The following ERC1 variants were observed in gnomAD, a reference collection of about 807,000 sequenced individuals.
The protein encoded by ERC1 is ELKS/RAB6-interacting/CAST family member 1, also known as RAB6 interacting protein 2.
In ERC1, 56 loss-of-function variants were observed where a neutral mutation model predicts 132.0. The ratio of observed to expected loss-of-function variants is 0.42; its 90% CI spans 0.34 to 0.53. The LOEUF (loss-of-function observed/expected upper bound fraction) is 0.53, where lower values mean the gene tolerates loss of function less well. Among genes scored for constraint, ERC1 ranks in the 20% least tolerant of loss-of-function variants. ERC1 has a pLI of 0.03. For missense variants in ERC1, 1,202 were observed against 1,349.9 expected (o/e 0.89, Z 1.72); for synonymous variants, 478 against 476.1 (o/e 1.00, Z -0.05).
intron 18 of ERC1, among the ~76,000 whole-genome samples, chr12:1,455,917 G>C (rs982665472): frequency 2.0e-5 from 3 of 152,168 alleles, no homozygotes; most frequent in African/African-American, 7.2e-5. Flanking sequence ...TTCGAAAGAT[G>C]CGACGGAGTG....
chr12:1,271,480 A>T (rs1354950026), intron 14 of ERC1, among the ~76,000 whole-genome samples: 1 of 152,210 alleles, frequency 6.6e-6, no homozygotes, highest in African/African-American at 2.4e-5. Flanking sequence ...AAATTTGAGG[A>T]TAAGAAGCAA....
intron 17 of ERC1, among the ~76,000 whole-genome samples, chr12:1,440,804 C>G (rs1404606119): frequency 6.6e-6 from 1 of 151,556 alleles, no homozygotes; most frequent in Non-Finnish European, 1.5e-5. Context: ...GCGCACCACA[C>G]CCAGCTACTT....
chr12:1,237,633 A>G (rs1486144972), intron 13 of ERC1, among the ~76,000 whole-genome samples: 1 of 152,252 alleles, frequency 6.6e-6, no homozygotes, highest in Non-Finnish European at 1.5e-5. Flanking sequence ...AAATAGATTC[A>G]GAGACATTGT....
intron 15 of ERC1, among the ~76,000 whole-genome samples, chr12:1,295,048 C>T (rs142803343): frequency 2.6e-5 from 4 of 152,268 alleles, no homozygotes; most frequent in Admixed American, 6.5e-5. Flanking sequence ...TTTGCTTACC[C>T]GTGAAGCAGG....
At chr12:1,270,037 C>T (rs554131582) in intron 14 of ERC1, among the ~76,000 whole-genome samples, 4 of 152,206 alleles carry the variant, frequency 2.6e-5, no homozygotes, top group East Asian at 1.9e-4. Flanking sequence ...AAATAATTTT[C>T]GATGACACGT....
chr12:1,408,863 C>G (rs1194562288), intron 17 of ERC1, among the ~76,000 whole-genome samples: 1 of 152,164 alleles, frequency 6.6e-6, no homozygotes, highest in African/African-American at 2.4e-5. Flanking sequence ...AAGAAGGGAA[C>G]TCTCCCCAAA....
intron 14 of ERC1, 30 bp downstream of exon 14, chr12:1,263,195 G>A (rs1267637369): frequency 1.9e-6 from 3 of 1,610,550 alleles, no homozygotes; most frequent in East Asian, 4.5e-5. Context: ...TCCAAGCAAT[G>A]CTGCTGGTTA....
chr12:1,401,150 G>A (rs751697970), intron 16 of ERC1, among the ~76,000 whole-genome samples: 1 of 151,608 alleles, frequency 6.6e-6, no homozygotes, highest in Non-Finnish European at 1.5e-5. Context: ...TAGCCAGGAT[G>A]GTCTCCATCT....
rs1008554904 is a variant in ERC1 at position 1,495,275 on chromosome 12, G to A, written c.*5045G>A. The A allele has an allele frequency of 4.3e-6, 1 of 230,124 alleles. No homozygotes were observed. The highest frequency in any genetic ancestry group is 8.6e-6 in the Non-Finnish European group (1 of 116,102). The allele number at this position is 230,124 out of a possible 1,614,324, so 14.3% of individuals were successfully genotyped here. On this transcript the variant is annotated 3_prime_UTR_variant, in exon 19 of 19. Coordinates refer to ENST00000360905, the MANE Select transcript of ERC1 (RefSeq NM_178040.4). ...CAGCCTGGAGCCTGCAATCCAGGTG[G>A]AACAGACTGTCCTCCATGTCAGTTC...
chr12:1,455,418 C>T (rs2093510652), intron 18 of ERC1, among the ~76,000 whole-genome samples: 1 of 152,208 alleles, frequency 6.6e-6, no homozygotes, highest in Non-Finnish European at 1.5e-5. Context: ...AGCATCTTCT[C>T]TGTTTACTTT....
chr12:1,042,338 G>GTTTTTTTTTTTTTTT (rs776086251), intron 2 of ERC1, among the ~76,000 whole-genome samples: 1 of 121,002 alleles, frequency 8.3e-6, no homozygotes, highest in Non-Finnish European at 1.6e-5. Flanking sequence ...CGCCCGGCCT[G>GTTTTTTTTTTTTTTT]TTTTTTTTTT....
intron 8 of ERC1, among the ~76,000 whole-genome samples, chr12:1,146,887 C>G (rs1043375465): frequency 1.3e-5 from 2 of 148,638 alleles, no homozygotes; most frequent in African/African-American, 5.0e-5. Flanking sequence ...GGTTTTTTGT[C>G]CTTGTGATAG....
At chr12:1,156,061 T>A (rs1370065050) in intron 8 of ERC1, among the ~76,000 whole-genome samples, 2 of 152,030 alleles carry the variant, frequency 1.3e-5, no homozygotes, top group Non-Finnish European at 2.9e-5. Flanking sequence ...AAAAAACAAC[T>A]GGAATCATAC....
rs1254321210 is a variant in ERC1 at position 1,382,815 on chromosome 12, GTAT to G, written c.2925+10843_2925+10845del. The stretch of plus-strand genomic sequence containing the variant: ...ATAGAAATTTGCTTTTTTTATGAAA[GTAT>G]TATTTTATTAAAAAATATTGCATTA... On this transcript the variant is annotated intron_variant, in intron 16 of 18. Coordinates refer to ENST00000360905, the MANE Select transcript of ERC1 (RefSeq NM_178040.4). Among the ~76,000 whole-genome samples, 28 of 152,090 alleles carry G rather than the reference GTAT, an allele frequency of 1.8e-4. 1 individual carries two copies. Among genetic ancestry groups the G allele is most frequent in the Non-Finnish European group, 3.4e-4 (23 of 68,010 alleles).
intron 12 of ERC1, among the ~76,000 whole-genome samples, chr12:1,226,536 T>G (rs2074587819): frequency 6.6e-6 from 1 of 152,228 alleles, no homozygotes; most frequent in Non-Finnish European, 1.5e-5. Flanking sequence ...ACTCATCTTC[T>G]GTAACTGAAA....
chr12:1,027,932 A>T lies in ERC1; in HGVS notation c.29A>T (p.Lys10Met). ...TATGGAAGTGCCCGCTCTGTTGGGA[A>T]GGTGGAGCCGAGCAGCCAGAGCCCT... MYGSARSVG[K>M]VEPSSQSPGR... The change falls in exon 2 of 19, where the codon AAG becomes ATG. Residue 10 changes from lysine (K) to methionine (M), a missense_variant. Coordinates refer to ENST00000360905, the MANE Select transcript of ERC1 (RefSeq NM_178040.4). 1 of 1,611,420 alleles carries T rather than the reference A, an allele frequency of 6.2e-7. No homozygotes were observed.
chr12:1,384,016 T>G (rs969319560), intron 16 of ERC1, among the ~76,000 whole-genome samples: 26 of 152,140 alleles, frequency 1.7e-4, no homozygotes, highest in Admixed American at 8.5e-4. Context: ...ATCATATCAC[T>G]CCAGAGCTGA....
intron 1 of ERC1, among the ~76,000 whole-genome samples, chr12:1,001,582 G>T (rs1456895435): frequency 2.0e-5 from 3 of 152,058 alleles, no homozygotes; most frequent in South Asian, 2.1e-4. Flanking sequence ...TTCTTTTTTT[G>T]TGTGTGTAGA....
intron 18 of ERC1, among the ~76,000 whole-genome samples, chr12:1,454,627 A>C (rs749729930): frequency 2.0e-4 from 30 of 152,268 alleles, no homozygotes; most frequent in African/African-American, 7.0e-4. Flanking sequence ...TAGGAAAAAC[A>C]CTTTGTTTTT....
Sources: gnomAD v4.1 joint callset for allele counts (sites outside exome capture counted in the v4.1 genomes callset) on GRCh38, gnomAD v4.1.1 for gene constraint, MANE v1.5 for transcripts, NCBI Gene and HGNC (gene_info 2026-07-23, HGNC 2026-07-21) for gene names.